The following RBM46 variants were observed in gnomAD, a reference collection of about 807,000 sequenced individuals.
RBM46 encodes the protein RNA binding motif protein 46, also known as probable RNA-binding protein 46.
RBM46 carries 12 observed loss-of-function variants against 43.3 expected under a neutral mutation model. That is an observed-to-expected ratio of 0.28 (90% CI 0.18 to 0.45). The LOEUF (loss-of-function observed/expected upper bound fraction) is 0.45. Among genes scored for constraint, RBM46 ranks in the 20% least tolerant of loss-of-function variants. The pLI, the probability that RBM46 is intolerant of heterozygous loss-of-function variation, is 1.00. For synonymous variants in RBM46, 205 were observed against 207.6 expected, an observed-to-expected ratio of 0.99 and a Z score of 0.11; for missense variants, 412 against 639.1, an observed-to-expected ratio of 0.64 and a Z score of 3.83.
intron 1 of RBM46, among the ~76,000 whole-genome samples, chr4:154,782,611 G>C (rs1733549676): frequency 6.6e-6 from 1 of 152,078 alleles, no homozygotes; most frequent in South Asian, 2.1e-4. Context: ...AAACTCTCGG[G>C]AGTAGCTGGG....
At chr4:154,796,400 G>C (rs942403321) in intron 1 of RBM46, among the ~76,000 whole-genome samples, 19 of 152,280 alleles carry the variant, frequency 1.2e-4, no homozygotes, top group African/African-American at 4.1e-4. Context: ...TATATTCATT[G>C]ATGGCTTACA....
intron 4 of RBM46, among the ~76,000 whole-genome samples, chr4:154,812,787 C>G (rs1735244570): frequency 6.6e-6 from 1 of 152,142 alleles, no homozygotes. Flanking sequence ...CGTAGCCATA[C>G]ATTTCCTGCT....
At position 154,803,702 on chromosome 4, in the gene RBM46, CAAAAA is replaced by C. The variant is rs35506499; in HGVS notation, c.1402+4162_1402+4166del. 8.7e-4 allele frequency among the ~76,000 whole-genome samples: 36 copies of C among 41,316 alleles called. No individual in the cohort carries two copies. In the East Asian group the frequency reaches 0.019, roughly 22 times the overall value. 27.1% of individuals were successfully genotyped at this position (41,316 alleles called of 152,430 possible). A position where few individuals can be genotyped will look rare whatever the true frequency, so the allele number is the denominator to read the frequency against. ...TGGGCAACAGAGCCAGACTACGTCTCAAAAAAAAAAAAAAAAAAAAAAAAAAAAGG... is the reference window on the plus strand; with the variant it reads ...TGGGCAACAGAGCCAGACTACGTCTCAAAAAAAAAAAAAAAAAAAAAAAGG... On this transcript the variant is annotated intron_variant, in intron 4 of 4. Transcript: ENST00000281722.
chr4:154,796,684 T>G (rs1734368541), intron 1 of RBM46, 58 bp from the exon 2 acceptor site: 1 of 1,193,388 alleles, frequency 8.4e-7, no homozygotes, highest in African/African-American at 1.6e-5. Context: ...AAGAAATGCC[T>G]TATAGATTCT....
intron 4 of RBM46, among the ~76,000 whole-genome samples, chr4:154,819,398 G>A (rs1578948867): frequency 6.6e-6 from 1 of 152,188 alleles, no homozygotes; most frequent in Admixed American, 6.5e-5. Context: ...TCCCAAGAGG[G>A]AGCTTTTGGG....
chr4:154,794,271 C>T (rs1734240525), intron 1 of RBM46, among the ~76,000 whole-genome samples: 1 of 151,312 alleles, frequency 6.6e-6, no homozygotes, highest in South Asian at 2.1e-4. Context: ...AGCTCCGCCT[C>T]CCGGGTTCTT....
chr4:154,785,037 C>T (rs1733688951), intron 1 of RBM46, among the ~76,000 whole-genome samples: 1 of 151,924 alleles, frequency 6.6e-6, no homozygotes, highest in Admixed American at 6.6e-5. Context: ...TTTGAACTTT[C>T]TTGTGAATTA....
At chr4:154,820,723 G>A (rs772479691) in intron 4 of RBM46, among the ~76,000 whole-genome samples, 1 of 151,652 alleles carries the variant, frequency 6.6e-6, no homozygotes, top group Non-Finnish European at 1.5e-5. Flanking sequence ...GATTATCCAA[G>A]TATTTCTCAA....
chr4:154,804,813 T>TG (rs1491364400), intron 4 of RBM46, among the ~76,000 whole-genome samples: 2 of 121,196 alleles, frequency 1.7e-5, no homozygotes, highest in Non-Finnish European at 3.2e-5. Flanking sequence ...TGATTAAGGT[T>TG]GTTTTTTTTT....
chr4:154,826,739 C>CTTTTTT (rs34828322), intron 4 of RBM46: 5 of 934,288 alleles, frequency 5.4e-6, no homozygotes, highest in Middle Eastern at 2.2e-4. Context: ...TTCATTTTTC[C>CTTTTTT]TTTTTTTTTT....
In RBM46 at chr4:154,819,219, A is replaced by G. The variant is rs571003690; in HGVS notation, c.1403-8649A>G. ...AGAAAGGTGGCCAAAGGACTGACAA[A>G]CCCAGATTGCTTTAATCTAGGCAGG... is the stretch of plus-strand genomic sequence containing the variant. On this transcript the variant is annotated intron_variant, in intron 4 of 4. Transcript: ENST00000281722. Among the ~76,000 whole-genome samples the G allele has an allele frequency of 1.4e-3, 211 of 152,304 alleles. 1 individual carries two copies. The highest frequency in any genetic ancestry group is 4.8e-3 in the African/African-American group (201 of 41,554).
chr4:154,796,151 A>G lies in RBM46; in HGVS notation c.-11-591A>G, dbSNP rs1333931331. On this transcript the variant is annotated intron_variant, in intron 1 of 4. Transcript: ENST00000281722. ...CACTGCACTCTAGCCTGGGTGACAA[A>G]GTGAGACTCTGTCTCAAAAAATGAA... Among the ~76,000 whole-genome samples the G allele has an allele frequency of 2.6e-5, 4 of 152,288 alleles. No homozygotes were observed. The East Asian group carries it at 7.7e-4, about 29-fold the overall frequency.
chr4:154,812,209 T>G (rs184841703), intron 4 of RBM46, among the ~76,000 whole-genome samples: 1 of 152,222 alleles, frequency 6.6e-6, no homozygotes, highest in Admixed American at 6.5e-5. Flanking sequence ...TATTGGCAAA[T>G]TATGTTTCTG....
rs763405741 is a variant in RBM46 at position 154,798,214 on chromosome 4, T to C, written c.555T>C (p.Gly185=). The C allele has an allele frequency of 6.2e-7, 1 of 1,611,662 alleles. No individual in the cohort carries two copies. Among genetic ancestry groups the C allele is most frequent in the Admixed American group, 1.7e-5 (1 of 59,668 alleles). ...PSATDKTKNR[G]FAFVEYESHR... ...CAACTGATAAGACCAAAAATCGTGG[T>C]TTTGCATTTGTGGAATATGAATCTC... Residue 185 remains glycine (G), a synonymous_variant, in exon 3 of 5, where the codon GGT becomes GGC. Transcript: ENST00000281722.
intron 4 of RBM46, among the ~76,000 whole-genome samples, chr4:154,819,104 A>G (rs1347144664): frequency 1.3e-5 from 2 of 152,108 alleles, no homozygotes; most frequent in Non-Finnish European, 2.9e-5. Flanking sequence ...TTTTTTATTC[A>G]ATACCAGATA....
chr4:154,819,443 C>T (rs1269641987), intron 4 of RBM46, among the ~76,000 whole-genome samples: 3 of 152,132 alleles, frequency 2.0e-5, no homozygotes, highest in African/African-American at 4.8e-5. Flanking sequence ...ATGCACCTCC[C>T]AAAGAGGTGC....
At chr4:154,786,425 T>C (rs1192324210) in intron 1 of RBM46, among the ~76,000 whole-genome samples, 6 of 152,132 alleles carry the variant, frequency 3.9e-5, no homozygotes, top group Admixed American at 2.0e-4. Flanking sequence ...TTACAAAAAA[T>C]AACATTTCTT....
chr4:154,785,410 A>T (rs970715891), intron 1 of RBM46, among the ~76,000 whole-genome samples: 4 of 77,468 alleles, frequency 5.2e-5, no homozygotes, highest in Admixed American at 2.5e-4. Context: ...AATTGTAGTT[A>T]AAAAAAAAAA....
chr4:154,796,444 TC>T (rs1420816612), intron 1 of RBM46, among the ~76,000 whole-genome samples: 23 of 152,332 alleles, frequency 1.5e-4, no homozygotes, highest in African/African-American at 5.5e-4. Context: ...TCCTTTTTCT[TC>T]TCTTTCACTT....
Sources: gnomAD v4.1 joint callset for allele counts (sites outside exome capture counted in the v4.1 genomes callset) on GRCh38, gnomAD v4.1.1 for gene constraint, MANE v1.5 for transcripts, NCBI Gene and HGNC (gene_info 2026-07-23, HGNC 2026-07-21) for gene names.